CTNNA3: variants seen among roughly 807,000 people sequenced by gnomAD.
CTNNA3 encodes catenin alpha-3.
In CTNNA3, 76 loss-of-function variants were observed where a neutral mutation model predicts 95.7. The observed-to-expected ratio is 0.79, with a 90% CI of 0.66 to 0.96. The LOEUF (loss-of-function observed/expected upper bound fraction) is 0.96. Among genes scored for constraint, CTNNA3 ranks in the 40% least tolerant of loss-of-function variants. The probability of loss-of-function intolerance (pLI) is 0.00; values close to 1 mark genes in which losing one functional copy is unlikely to be tolerated. For synonymous variants in CTNNA3, 431 were observed against 374.4 expected, an observed-to-expected ratio of 1.15 and a Z score of -1.74; for missense variants, 1,191 against 1,089.8, an observed-to-expected ratio of 1.09 and a Z score of -1.31.
intron 7 of CTNNA3, among the ~76,000 whole-genome samples, chr10:67,021,534 TA>T (rs1554899329): frequency 1.3e-5 from 2 of 152,010 alleles, no homozygotes; most frequent in African/African-American, 2.4e-5. Flanking sequence ...AAAATTACAA[TA>T]AAAAATTTGA....
intron 1 of CTNNA3, among the ~76,000 whole-genome samples, chr10:67,726,792 GAT>G (rs1378932271): frequency 1.6e-4 from 2 of 12,282 alleles, no homozygotes; most frequent in African/African-American, 8.3e-4. Context: ...AAATATATAT[GAT>G]ATTATATACA....
intron 17 of CTNNA3, among the ~76,000 whole-genome samples, chr10:65,953,788 A>T (rs981587433): frequency 3.3e-5 from 5 of 152,166 alleles, no homozygotes; most frequent in African/African-American, 7.2e-5. Flanking sequence ...TCTATCATTG[A>T]TGGACATTTG....
chr10:67,734,392 G>A (rs1373041056), intron 1 of CTNNA3, among the ~76,000 whole-genome samples: 1 of 151,982 alleles, frequency 6.6e-6, no homozygotes, highest in Non-Finnish European at 1.5e-5. Flanking sequence ...TTTATTCAGT[G>A]ACTACCAGGC....
intron 5 of CTNNA3, among the ~76,000 whole-genome samples, chr10:67,364,829 C>A (rs966785363): frequency 2.0e-5 from 3 of 152,122 alleles, no homozygotes; most frequent in Non-Finnish European, 2.9e-5. Flanking sequence ...AATGCCATAC[C>A]CATCAAGCTA....
At chr10:67,091,952 A>G (rs1246856302) in intron 7 of CTNNA3, among the ~76,000 whole-genome samples, 1 of 152,046 alleles carries the variant, frequency 6.6e-6, no homozygotes, top group Non-Finnish European at 1.5e-5. Context: ...TGAAATGCCT[A>G]TTTCTTATTT....
intron 7 of CTNNA3, among the ~76,000 whole-genome samples, chr10:66,964,395 A>G (rs1235190039): frequency 6.6e-6 from 1 of 152,012 alleles, no homozygotes; most frequent in Non-Finnish European, 1.5e-5. Flanking sequence ...CTTTAAAATT[A>G]CATACATTTT....
At chr10:67,620,923 G>GTGTGTATATATA (rs1402402526) in intron 2 of CTNNA3, among the ~76,000 whole-genome samples, 16 of 123,850 alleles carry the variant, frequency 1.3e-4, no homozygotes, top group East Asian at 6.7e-4. Flanking sequence ...GTGTGTGTGT[G>GTGTGTATATATA]TATATATATA....
chr10:67,088,647 A>C (rs566502978), intron 7 of CTNNA3, among the ~76,000 whole-genome samples: 1 of 152,178 alleles, frequency 6.6e-6, no homozygotes, highest in South Asian at 2.1e-4. Flanking sequence ...GTGACCTTTC[A>C]AATAGAACTC....
intron 7 of CTNNA3, among the ~76,000 whole-genome samples, chr10:67,139,394 G>A (rs201984022): frequency 5.4e-5 from 8 of 148,642 alleles, no homozygotes; most frequent in East Asian, 4.0e-4. Context: ...TGATCCGCTC[G>A]CCTCAGCCTC....
intron 9 of CTNNA3, among the ~76,000 whole-genome samples, chr10:66,680,170 T>G (rs2132498707): frequency 9.9e-6 from 1 of 101,142 alleles, no homozygotes; most frequent in East Asian, 2.4e-4. Flanking sequence ...ACTAATGTTT[T>G]TTTTTGTTTG....
chr10:66,759,916 C>T (rs554517720), intron 9 of CTNNA3, among the ~76,000 whole-genome samples: 1 of 152,160 alleles, frequency 6.6e-6, no homozygotes, highest in South Asian at 2.1e-4. Context: ...GTTTTTTACT[C>T]TTTTTAGTGT....
At chr10:66,340,838 A>T (rs1457811435) in intron 12 of CTNNA3, among the ~76,000 whole-genome samples, 2 of 151,854 alleles carry the variant, frequency 1.3e-5, no homozygotes, top group Middle Eastern at 3.2e-3. Flanking sequence ...TCCAAAGGTA[A>T]CATTATTTTT....
Position 66,982,407 on chromosome 10 carries a change from T to G in CTNNA3, c.1047+197910A>C, listed in dbSNP as rs200078214. ...ACTAACTTCTCTAAATCTCAGTTTT[T>G]TCACCTCTAACCAAGGATAATGCAT... On this transcript the variant is annotated intron_variant, in intron 7 of 17. Transcript: ENST00000433211. 5.9e-5 allele frequency among the ~76,000 whole-genome samples: 9 copies of G among 152,300 alleles called. No homozygotes were observed. The East Asian group carries it at 1.7e-3, about 29-fold the overall frequency.
intron 7 of CTNNA3, among the ~76,000 whole-genome samples, chr10:67,009,577 A>T (rs1052661362): frequency 1.3e-5 from 2 of 151,518 alleles, no homozygotes; most frequent in African/African-American, 4.9e-5. Context: ...AATTTCCCTG[A>T]GCGAATGGGT....
chr10:66,667,286 C>A (rs1211749427), intron 9 of CTNNA3, among the ~76,000 whole-genome samples: 1 of 146,526 alleles, frequency 6.8e-6, no homozygotes, highest in African/African-American at 2.6e-5. Context: ...TCCCGCCTGT[C>A]CAGATATTTT....
chr10:66,615,107 C>T (rs1311831323), intron 10 of CTNNA3, among the ~76,000 whole-genome samples: 1 of 151,922 alleles, frequency 6.6e-6, no homozygotes, highest in Non-Finnish European at 1.5e-5. Context: ...TCTTTTTCTG[C>T]CTATCCTTTA....
At chr10:66,729,766 C>G (rs954190057) in intron 9 of CTNNA3, among the ~76,000 whole-genome samples, 4 of 152,116 alleles carry the variant, frequency 2.6e-5, no homozygotes, top group South Asian at 2.1e-4. Flanking sequence ...AACCAAACAC[C>G]ATGTGTTCCC....
At chr10:67,537,086 C>T (rs1250828724) in intron 4 of CTNNA3, among the ~76,000 whole-genome samples, 2 of 152,122 alleles carry the variant, frequency 1.3e-5, no homozygotes, top group East Asian at 3.8e-4. Context: ...ACTACACATA[C>T]TTATATGTGA....
At chr10:66,275,305 A>T (rs922564246) in intron 13 of CTNNA3, among the ~76,000 whole-genome samples, 1 of 152,164 alleles carries the variant, frequency 6.6e-6, no homozygotes, top group Non-Finnish European at 1.5e-5. Flanking sequence ...TTTAGTAGAG[A>T]TGAGGCTTCA....
Sources: allele counts gnomAD v4.1 joint callset (sites outside exome capture counted in the v4.1 genomes callset), GRCh38; gene constraint gnomAD v4.1.1; transcripts MANE v1.5; gene names NCBI Gene and HGNC (gene_info 2026-07-23, HGNC 2026-07-21).